TYW1B: variants seen among roughly 807,000 people sequenced by gnomAD.
The protein encoded by TYW1B is tRNA-yW synthesizing protein 1 homolog B.
Under a neutral mutation model 86.9 loss-of-function variants are expected in TYW1B, and 73 were observed. The observed-to-expected ratio is 0.84, with a 90% CI of 0.70 to 1.02. The LOEUF is 1.02. TYW1B is among the 50% of genes least tolerant of loss of function. The pLI, the probability that TYW1B is intolerant of heterozygous loss-of-function variation, is 0.00. For missense variants in TYW1B, 637 were observed against 827.4 expected, an observed-to-expected ratio of 0.77 and a Z score of 2.82; for synonymous variants, 248 against 292.8, an observed-to-expected ratio of 0.85 and a Z score of 1.56.
intron 8 of TYW1B, among the ~76,000 whole-genome samples, chr7:72,738,839 G>C (rs1787247783): frequency 6.6e-6 from 1 of 152,146 alleles, no homozygotes; most frequent in Non-Finnish European, 1.5e-5. Context: ...GGGAGGCTAA[G>C]AGGGGAGGAT....
chr7:72,645,001 G>T (rs1812893112), intron 11 of TYW1B, among the ~76,000 whole-genome samples: 1 of 151,926 alleles, frequency 6.6e-6, no homozygotes, highest in South Asian at 2.1e-4. Flanking sequence ...CTAATTTTTT[G>T]TATTTTTAGT....
intron 7 of TYW1B, among the ~76,000 whole-genome samples, chr7:72,769,930 C>T (rs1174027262): frequency 2.6e-5 from 4 of 152,008 alleles, no homozygotes; most frequent in Non-Finnish European, 4.4e-5. Flanking sequence ...TAATTCAAAA[C>T]TTAGCTGGGC....
chr7:72,714,073 T>C (rs1487652558), intron 9 of TYW1B, among the ~76,000 whole-genome samples: 8 of 151,848 alleles, frequency 5.3e-5, no homozygotes, highest in Non-Finnish European at 7.4e-5. Context: ...ATAAGTCCCT[T>C]TGCATAATTT....
intron 11 of TYW1B, among the ~76,000 whole-genome samples, chr7:72,663,761 C>CA (rs1177247717): frequency 0.82 from 47,561 of 57,930 alleles, 19,695 homozygotes; most frequent in Non-Finnish European, 0.86. Flanking sequence ...GACTCCATCT[C>CA]AAAAAAAAAA....
chr7:72,717,371 C>T (rs1387538016), intron 9 of TYW1B, among the ~76,000 whole-genome samples: 2 of 152,002 alleles, frequency 1.3e-5, no homozygotes, highest in Non-Finnish European at 2.9e-5. Flanking sequence ...CAGCAATCTC[C>T]ACCAGGCACC....
At chr7:72,806,747 C>A (rs1336349931) in intron 5 of TYW1B, among the ~76,000 whole-genome samples, 4 of 151,952 alleles carry the variant, frequency 2.6e-5, no homozygotes, top group African/African-American at 7.3e-5. Context: ...AATTCCTGGG[C>A]TCAAGCAATC....
intron 11 of TYW1B, among the ~76,000 whole-genome samples, chr7:72,692,205 C>CAAAAAAAAA (rs1168197742): frequency 1.6e-5 from 1 of 62,796 alleles, no homozygotes. Flanking sequence ...GACTCCATCT[C>CAAAAAAAAA]AAAAAAAAAA....
At chr7:72,799,024 G>A (rs527825112) in intron 6 of TYW1B, among the ~76,000 whole-genome samples, 1 of 152,078 alleles carries the variant, frequency 6.6e-6, no homozygotes, top group South Asian at 2.1e-4. Context: ...TGCATTTTCA[G>A]AAAAGATGGG....
intron 11 of TYW1B, among the ~76,000 whole-genome samples, chr7:72,693,375 A>ACTTTATATT (rs1211184047): frequency 1.3e-5 from 2 of 151,202 alleles, no homozygotes; most frequent in Non-Finnish European, 2.9e-5. Flanking sequence ...AGGAAAATTA[A>ACTTTATATT]CTTTATATTT....
intron 10 of TYW1B, among the ~76,000 whole-genome samples, chr7:72,700,763 GT>G: frequency 6.6e-6 from 1 of 152,082 alleles, no homozygotes; most frequent in South Asian, 2.1e-4. Context: ...TCATACTTTT[GT>G]TTCTTTGAAA....
chr7:72,665,707 G>A (rs1411999657), intron 11 of TYW1B, among the ~76,000 whole-genome samples: 1 of 152,184 alleles, frequency 6.6e-6, no homozygotes, highest in Non-Finnish European at 1.5e-5. Context: ...AGTAGCCTAT[G>A]TTATATTTTT....
intron 12 of TYW1B, among the ~76,000 whole-genome samples, chr7:72,627,456 G>GTAACATAACA (rs368171802): frequency 0.053 from 6,641 of 124,440 alleles, 207 homozygotes; most frequent in Admixed American, 0.068. Context: ...TCAAAAAACA[G>GTAACATAACA]TAACATAACA....
chr7:72,618,647 T>C (rs1462552287), intron 12 of TYW1B, among the ~76,000 whole-genome samples: 1 of 152,208 alleles, frequency 6.6e-6, no homozygotes, highest in Non-Finnish European at 1.5e-5. Context: ...AAAAGATGAC[T>C]GGTGCACTAA....
chr7:72,687,412 C>A (rs782273800), intron 11 of TYW1B, among the ~76,000 whole-genome samples: 1 of 151,976 alleles, frequency 6.6e-6, no homozygotes, highest in Non-Finnish European at 1.5e-5. Flanking sequence ...CCAGCCTGGG[C>A]AACAAGAGTG....
chr7:72,827,954 C>T, intron 1 of TYW1B, 118 bp downstream of exon 1: 1 of 1,556,060 alleles, frequency 6.4e-7, no homozygotes, highest in Non-Finnish European at 8.7e-7. Flanking sequence ...CCGGTGCTGT[C>T]AAGTGCAACA....
chr7:72,582,186 A>G (rs1811171694), intron 13 of TYW1B, among the ~76,000 whole-genome samples: 1 of 152,040 alleles, frequency 6.6e-6, no homozygotes, highest in Admixed American at 6.6e-5. Flanking sequence ...GAGAGGATAT[A>G]TTCGTTGAAA....
chr7:72,780,019 A>G (rs1788024031), intron 6 of TYW1B, among the ~76,000 whole-genome samples: 1 of 152,186 alleles, frequency 6.6e-6, no homozygotes, highest in Non-Finnish European at 1.5e-5. Context: ...AAATTCATAA[A>G]CAAACATCAA....
At chr7:72,817,638 G>A (rs538935114) in intron 2 of TYW1B, among the ~76,000 whole-genome samples, 1 of 152,070 alleles carries the variant, frequency 6.6e-6, no homozygotes, top group East Asian at 1.9e-4. Context: ...TTCACATGTT[G>A]AACAAAGAAT....
chr7:72,673,086 T>A (rs537348612), intron 11 of TYW1B, among the ~76,000 whole-genome samples: 2 of 152,276 alleles, frequency 1.3e-5, no homozygotes, highest in Non-Finnish European at 2.9e-5. Context: ...GAGAATTGCT[T>A]GAACCCAGGA....
Sources: gnomAD v4.1 joint callset for allele counts (sites outside exome capture counted in the v4.1 genomes callset) on GRCh38, gnomAD v4.1.1 for gene constraint, MANE v1.5 for transcripts, NCBI Gene and HGNC (gene_info 2026-07-23, HGNC 2026-07-21) for gene names.